The following NBEA variants were observed in gnomAD, a reference collection of about 807,000 sequenced individuals.
NBEA encodes neurobeachin, also known as lysosomal-trafficking regulator 2.
NBEA carries 44 observed loss-of-function variants against 343.4 expected under a neutral mutation model. The observed-to-expected ratio is 0.13, with a 90% CI of 0.10 to 0.16. NBEA has a LOEUF of 0.16. Among genes scored for constraint, NBEA ranks in the 10% least tolerant of loss-of-function variants. The pLI is 1.00. For missense variants in NBEA, 2,555 were observed against 3,631.3 expected (o/e 0.70, Z 7.62); for synonymous variants, 1,175 against 1,238.7 (o/e 0.95, Z 1.08).
chr13:35,471,088 G>A (rs894835224), intron 40 of NBEA, among the ~76,000 whole-genome samples: 5 of 152,168 alleles, frequency 3.3e-5, no homozygotes, highest in Non-Finnish European at 7.3e-5. Flanking sequence ...GGGCAGTCCC[G>A]ACAGGGCTGA....
At chr13:35,507,220 C>G (rs989338933) in intron 41 of NBEA, among the ~76,000 whole-genome samples, 1 of 152,138 alleles carries the variant, frequency 6.6e-6, no homozygotes, top group Non-Finnish European at 1.5e-5. Flanking sequence ...CTACCTCACT[C>G]GCTTCTCCTT....
At chr13:35,126,841 C>G (rs970843473) in intron 17 of NBEA, among the ~76,000 whole-genome samples, 16 of 151,572 alleles carry the variant, frequency 1.1e-4, no homozygotes, top group African/African-American at 3.9e-4. Context: ...TTGCTTCAAC[C>G]CGGGAGGTGG....
At chr13:35,590,580 T>C (rs760971873) in intron 46 of NBEA, among the ~76,000 whole-genome samples, 26 of 152,246 alleles carry the variant, frequency 1.7e-4, no homozygotes, top group Non-Finnish European at 2.6e-4. Context: ...CTAGACAGGA[T>C]TTTGTAATTT....
intron 7 of NBEA, among the ~76,000 whole-genome samples, chr13:35,057,389 T>A (rs1216573495): frequency 6.6e-6 from 1 of 152,154 alleles, no homozygotes; most frequent in Non-Finnish European, 1.5e-5. Context: ...TGGTTTTGTG[T>A]AAGCTGGGGG....
At chr13:35,152,369 A>T (rs1184365713) in intron 18 of NBEA, among the ~76,000 whole-genome samples, 2 of 152,190 alleles carry the variant, frequency 1.3e-5, no homozygotes, top group African/African-American at 4.8e-5. Context: ...ACAGAAAAAG[A>T]AAGTCACAAA....
intron 35 of NBEA, among the ~76,000 whole-genome samples, chr13:35,308,568 A>G (rs12584536): frequency 0.022 from 1,945 of 87,308 alleles, 66 homozygotes; most frequent in African/African-American, 0.032. Context: ...GTATATATGT[A>G]TATATATGTA....
rs2075696764 is a variant in NBEA, at chr13:35,472,514, C to A, written c.6563C>A (p.Ala2188Asp). The change falls in exon 41 of 59, where the codon GCC (alanine) becomes GAC (aspartate). Residue 2188 changes from alanine (A) to aspartate (D), a missense_variant. Ala to Asp is a moderately radical substitution (Grantham distance 126, BLOSUM62 -2). This residue lies in a region of NBEA where 246 missense variants were observed against 313.7 expected (regional missense o/e 0.78). Coordinates refer to ENST00000379939, the MANE Select transcript of NBEA (RefSeq NM_001385012.1). ...TTCGAGGTAGATGAGGATGATTCTG[C>A]CTTCAAGAAGATCGACACGAAAGTG... Reference protein sequence around the residue: ...IYFEVDEDDSAFKKIDTKVLA... With the variant: ...IYFEVDEDDSDFKKIDTKVLA... The A allele has an allele frequency of 6.2e-7, 1 of 1,613,868 alleles. No homozygotes were observed. The highest frequency in any genetic ancestry group is 8.5e-7 in the Non-Finnish European group (1 of 1,179,896).
intron 45 of NBEA, among the ~76,000 whole-genome samples, chr13:35,573,761 T>C (rs1428269539): frequency 6.6e-6 from 1 of 152,224 alleles, no homozygotes; most frequent in Non-Finnish European, 1.5e-5. Context: ...GTTTAGTGTA[T>C]GCTCTTAGAA....
At chr13:35,176,939 A>T in intron 27 of NBEA, 57 bp from the exon 28 acceptor site, 1 of 1,146,818 alleles carries the variant, frequency 8.7e-7, no homozygotes, top group Non-Finnish European at 1.3e-6. Flanking sequence ...AAGAAGTGAT[A>T]CTTCTATATA....
chr13:35,005,069 A>T (rs943675119), intron 1 of NBEA, among the ~76,000 whole-genome samples: 2 of 152,188 alleles, frequency 1.3e-5, no homozygotes, highest in African/African-American at 4.8e-5. Context: ...ATACTGTTAC[A>T]TGTGAAATGG....
intron 11 of NBEA, among the ~76,000 whole-genome samples, chr13:35,105,447 AGT>A (rs768282940): frequency 6.6e-6 from 1 of 151,984 alleles, no homozygotes; most frequent in Non-Finnish European, 1.5e-5. Context: ...TACCAGCTAC[AGT>A]GTTGATTTTA....
chr13:35,529,510 T>G (rs925013790), intron 41 of NBEA, among the ~76,000 whole-genome samples: 1 of 152,208 alleles, frequency 6.6e-6, no homozygotes, highest in Non-Finnish European at 1.5e-5. Flanking sequence ...AGAAAGTACA[T>G]TTTATTATAT....
chr13:35,475,157 G>T (rs1156803860), intron 41 of NBEA: 3 of 1,613,944 alleles, frequency 1.9e-6, no homozygotes, highest in Non-Finnish European at 1.7e-6. Context: ...GGTTTGCCTT[G>T]AAACAGATCT....
rs1013574860 is a variant in NBEA at position 34,942,324 on chromosome 13, G to T, written c.-497G>T. 1 of 153,714 alleles carries T rather than the reference G, an allele frequency of 6.5e-6. No individual in the cohort carries two copies. Among genetic ancestry groups the T allele is most frequent in the African/African-American group, 2.4e-5 (1 of 41,462 alleles). The allele number at this position is 153,714 out of a possible 1,614,324, so 9.5% of individuals were successfully genotyped here. Reference sequence around the variant, plus strand: ...GCAACATGGCGGAGTGAGCGGCGGCGTCGGGGCTTCACAACAACAGTGGTG... The same window carrying T: ...GCAACATGGCGGAGTGAGCGGCGGCTTCGGGGCTTCACAACAACAGTGGTG... On this transcript the variant is annotated 5_prime_UTR_variant, in exon 1 of 59. Coordinates refer to ENST00000379939, the MANE Select transcript of NBEA (RefSeq NM_001385012.1).
At chr13:35,623,191 T>A (rs2083069808) in intron 48 of NBEA, among the ~76,000 whole-genome samples, 1 of 152,188 alleles carries the variant, frequency 6.6e-6, no homozygotes, top group Non-Finnish European at 1.5e-5. Flanking sequence ...TTTACATTTT[T>A]CCAATGTAAG....
At chr13:35,437,131 A>T (rs2045486180) in intron 39 of NBEA, among the ~76,000 whole-genome samples, 1 of 152,080 alleles carries the variant, frequency 6.6e-6, no homozygotes, top group Non-Finnish European at 1.5e-5. Context: ...GAGTCATTTG[A>T]TTTTTTCTAA....
chr13:35,194,901 CA>C (rs2072471918), intron 30 of NBEA, among the ~76,000 whole-genome samples: 1 of 151,944 alleles, frequency 6.6e-6, no homozygotes, highest in African/African-American at 2.4e-5. Context: ...TTAATTTTCA[CA>C]AATTGAAATT....
chr13:35,059,646 T>TA (rs2063393596), intron 8 of NBEA, among the ~76,000 whole-genome samples: 1 of 151,706 alleles, frequency 6.6e-6, no homozygotes, highest in Admixed American at 6.6e-5. Context: ...TTTAAATAAT[T>TA]AATGTGAAGA....
intron 31 of NBEA, among the ~76,000 whole-genome samples, chr13:35,198,139 C>T (rs1490393273): frequency 6.6e-6 from 1 of 151,950 alleles, no homozygotes; most frequent in African/African-American, 2.4e-5. Context: ...GTGATGTTCC[C>T]TGGGTGTTCC....
Sources: allele counts gnomAD v4.1 joint callset (sites outside exome capture counted in the v4.1 genomes callset), GRCh38; gene constraint gnomAD v4.1.1; regional missense constraint gnomAD v4.1.1; transcripts MANE v1.5; gene names NCBI Gene and HGNC (gene_info 2026-07-23, HGNC 2026-07-21).